Variants in UQCC1 observed in about 807,000 individuals in gnomAD.
The protein encoded by UQCC1 is bFGF-repressed Zic-binding protein.
Under a neutral mutation model 48.0 loss-of-function variants are expected in UQCC1, and 38 were observed. That is an observed-to-expected ratio of 0.79 (90% CI 0.61 to 1.04). UQCC1 has a LOEUF of 1.04. UQCC1 is among the 50% of genes least tolerant of loss of function. The pLI is 0.00. For synonymous variants in UQCC1, 111 were observed against 129.2 expected (o/e 0.86, Z 0.95); for missense variants, 368 against 381.8 (o/e 0.96, Z 0.30).
At chr20:35,325,070 T>C (rs1321017520) in intron 7 of UQCC1, among the ~76,000 whole-genome samples, 2 of 152,208 alleles carry the variant, frequency 1.3e-5, no homozygotes, top group Non-Finnish European at 2.9e-5. Flanking sequence ...CATAAATGCA[T>C]TATGCTTAAT....
At chr20:35,369,961 A>G (rs962704076) in intron 5 of UQCC1, among the ~76,000 whole-genome samples, 7 of 152,194 alleles carry the variant, frequency 4.6e-5, no homozygotes, top group Non-Finnish European at 1.0e-4. Context: ...ACACTGTGGA[A>G]TTCAACAGGA....
At chr20:35,388,611 G>A (rs2061976665) in intron 2 of UQCC1, among the ~76,000 whole-genome samples, 1 of 152,090 alleles carries the variant, frequency 6.6e-6, no homozygotes. Context: ...AGAACACAAA[G>A]GCTCAAAGAA....
In UQCC1 at chr20:35,303,019, C is replaced by A. The variant is rs1349981226; in HGVS notation, c.*916G>T. ...AGGTGCTCAGACCAAGGTGGCTCTG[C>A]AGCACGTGCTTCAGAAGTTGGGAAG... On this transcript the variant is annotated 3_prime_UTR_variant, in exon 10 of 10. Transcript: ENST00000374385. 5 of 152,198 alleles carry A rather than the reference C, an allele frequency of 3.3e-5. No homozygotes were observed. The highest frequency in any genetic ancestry group is 3.3e-4 in the Admixed American group (5 of 15,280). The allele number at this position is 152,198 out of a possible 1,614,324, so 9.4% of individuals were successfully genotyped here. A position where few individuals can be genotyped will look rare whatever the true frequency, so the allele number is the denominator to read the frequency against.
chr20:35,330,708 C>T (rs1373409977), intron 7 of UQCC1, among the ~76,000 whole-genome samples: 1 of 152,086 alleles, frequency 6.6e-6, no homozygotes, highest in African/African-American at 2.4e-5. Flanking sequence ...TGCTACAGGG[C>T]AAGAGAGGCT....
At chr20:35,304,170 C>T (rs962281580) in intron 9 of UQCC1, 101 bp from the exon 10 acceptor site, 67 of 1,517,030 alleles carry the variant, frequency 4.4e-5, no homozygotes, top group African/African-American at 5.5e-5. Flanking sequence ...AGGAAGGGGA[C>T]GGGGCATGAG....
chr20:35,378,103 C>T (rs1377226289), intron 4 of UQCC1, among the ~76,000 whole-genome samples: 2 of 152,138 alleles, frequency 1.3e-5, no homozygotes, highest in Non-Finnish European at 2.9e-5. Flanking sequence ...GAATTTTCAA[C>T]CAGTCAATAC....
intron 4 of UQCC1, among the ~76,000 whole-genome samples, chr20:35,375,768 T>C (rs1465582243): frequency 1.3e-5 from 2 of 151,356 alleles, no homozygotes; most frequent in Admixed American, 6.6e-5. Context: ...CTGGGAAACA[T>C]GGCAAAACGT....
At chr20:35,369,769 T>G (rs1291323492) in intron 5 of UQCC1, among the ~76,000 whole-genome samples, 1 of 152,248 alleles carries the variant, frequency 6.6e-6, no homozygotes, top group Admixed American at 6.5e-5. Context: ...TATTCACTAT[T>G]GTTGGTTTTC....
At chr20:35,393,769 C>T (rs2062040529) in intron 2 of UQCC1, among the ~76,000 whole-genome samples, 1 of 151,618 alleles carries the variant, frequency 6.6e-6, no homozygotes, top group Non-Finnish European at 1.5e-5. Context: ...TTATCACGCC[C>T]AAATAAAAGT....
At chr20:35,372,361 T>A (rs1600967795) in intron 5 of UQCC1, among the ~76,000 whole-genome samples, 1 of 151,390 alleles carries the variant, frequency 6.6e-6, no homozygotes, top group South Asian at 2.1e-4. Context: ...AATAGCTTCA[T>A]CAGATAGAGA....
chr20:35,348,483 G>A (rs2146392417), intron 6 of UQCC1, among the ~76,000 whole-genome samples: 1 of 152,134 alleles, frequency 6.6e-6, no homozygotes, highest in African/African-American at 2.4e-5. Context: ...TCTGCCTCCC[G>A]GGTTCTTGCC....
At position 35,374,397 on chromosome 20, in the gene UQCC1, A is replaced by T. The variant is rs562808377; in HGVS notation, c.334-141T>A. The T allele has an allele frequency of 5.5e-4, 284 of 517,536 alleles. 1 individual carries two copies. In the South Asian group the frequency reaches 9.6e-3, roughly 18 times the overall value. 32.1% of individuals were successfully genotyped at this position (517,536 alleles called of 1,614,324 possible). A position where few individuals can be genotyped will look rare whatever the true frequency, so the allele number is the denominator to read the frequency against. ...CTCTCTAGGTAATTTAAACCAATAT[A>T]AATTTTTTTTGTTTTCTTAGAGCTT... On this transcript the variant is annotated intron_variant, in intron 4 of 9. Coordinates refer to ENST00000374385, the MANE Select transcript of UQCC1 (RefSeq NM_018244.5).
At chr20:35,361,650 C>T (rs2061606781) in intron 6 of UQCC1, among the ~76,000 whole-genome samples, 1 of 152,142 alleles carries the variant, frequency 6.6e-6, no homozygotes, top group Admixed American at 6.5e-5. Context: ...AGGAAAGCAA[C>T]TTAATGCTTT....
chr20:35,409,052 AG>A (rs1185964641), intron 1 of UQCC1, among the ~76,000 whole-genome samples: 1 of 152,182 alleles, frequency 6.6e-6, no homozygotes, highest in African/African-American at 2.4e-5. Context: ...AAAAGACTAT[AG>A]AGAGTTATTA....
chr20:35,349,253 G>A (rs1179555991), intron 6 of UQCC1, among the ~76,000 whole-genome samples: 1 of 152,218 alleles, frequency 6.6e-6, no homozygotes, highest in Admixed American at 6.5e-5. Context: ...TGTGCCAGAT[G>A]ATCCAACCAT....
At chr20:35,371,711 A>C (rs1230045008) in intron 5 of UQCC1, among the ~76,000 whole-genome samples, 2 of 151,048 alleles carry the variant, frequency 1.3e-5, no homozygotes, top group East Asian at 1.9e-4. Flanking sequence ...AAAAAAAAAA[A>C]AAAAAAAAAA....
At chr20:35,400,541 G>A (rs1453087044) in intron 1 of UQCC1, among the ~76,000 whole-genome samples, 2 of 151,162 alleles carry the variant, frequency 1.3e-5, no homozygotes, top group South Asian at 2.1e-4. Flanking sequence ...CGTTGCCCAG[G>A]CTGGAGTGCA....
At chr20:35,336,327 C>T (rs981818) in intron 7 of UQCC1, among the ~76,000 whole-genome samples, 1 of 151,994 alleles carries the variant, frequency 6.6e-6, no homozygotes, top group South Asian at 2.1e-4. Context: ...GGAACCTGTG[C>T]GTGTTACCTT....
intron 4 of UQCC1, among the ~76,000 whole-genome samples, chr20:35,381,196 T>C (rs925459762): frequency 1.3e-5 from 2 of 152,188 alleles, no homozygotes; most frequent in Middle Eastern, 3.2e-3. Context: ...GGTTAACAAA[T>C]ATCCCTCCAT....
Sources: allele counts gnomAD v4.1 joint callset (sites outside exome capture counted in the v4.1 genomes callset), GRCh38; gene constraint gnomAD v4.1.1; transcripts MANE v1.5; gene names NCBI Gene and HGNC (gene_info 2026-07-23, HGNC 2026-07-21).